Variants in FRMD4A observed in about 807,000 individuals in gnomAD.
FRMD4A encodes FERM domain containing 4A.
FRMD4A carries 29 observed loss-of-function variants against 129.1 expected under a neutral mutation model. The ratio of observed to expected loss-of-function variants is 0.22; its 90% CI spans 0.17 to 0.31. The LOEUF is 0.31. Among genes scored for constraint, FRMD4A ranks in the 10% least tolerant of loss-of-function variants. FRMD4A has a pLI of 1.00. For missense variants in FRMD4A, 1,272 were observed against 1,375.8 expected, an observed-to-expected ratio of 0.92 and a Z score of 1.19; for synonymous variants, 634 against 571.6, an observed-to-expected ratio of 1.11 and a Z score of -1.56.
chr10:14,178,001 G>C (rs746685138), intron 2 of FRMD4A, among the ~76,000 whole-genome samples: 5 of 152,296 alleles, frequency 3.3e-5, no homozygotes, highest in Non-Finnish European at 5.9e-5. Flanking sequence ...TGCTTACCTG[G>C]TGGCAGGCAC....
chr10:13,707,812 C>T, intron 12 of FRMD4A: 6 of 985,404 alleles, frequency 6.1e-6, no homozygotes, highest in Non-Finnish European at 7.2e-6. Context: ...GAGTCTCTCC[C>T]TCAAGCTTGG....
rs774081353 is a variant in FRMD4A at position 13,657,145 on chromosome 10, C to T, written c.2444G>A (p.Gly815Asp). 171 of 1,476,138 alleles carry T rather than the reference C, an allele frequency of 1.2e-4. 4 individuals carry two copies. In the East Asian group the frequency reaches 4.6e-3, roughly 39 times the overall value. 91.4% of individuals were successfully genotyped at this position (1,476,138 alleles called of 1,614,324 possible). A position where few individuals can be genotyped will look rare whatever the true frequency, so the allele number is the denominator to read the frequency against. ...AARGGAGGAG[G>D]AGGGVYLHSQ... ...GTGCAGGTACACACCGCCCCCCGCG[C>T]CCCCCGCGCCCCCCGCACCCCCGCG... The change falls in exon 22 of 25, where the codon GGC becomes GAC. Residue 815 changes from glycine to aspartate, a missense_variant. Physicochemically the swap from Gly to Asp is moderately conservative, Grantham distance 94 (BLOSUM62 -1). Coordinates refer to ENST00000357447, the MANE Select transcript of FRMD4A (RefSeq NM_018027.5).
intron 14 of FRMD4A, among the ~76,000 whole-genome samples, chr10:13,694,391 C>T (rs551356353): frequency 1.6e-3 from 245 of 152,266 alleles, no homozygotes; most frequent in Non-Finnish European, 2.2e-3. Flanking sequence ...CACTCACCAC[C>T]CAGGGGTTGG....
intron 6 of FRMD4A, among the ~76,000 whole-genome samples, chr10:13,776,561 T>C (rs2092601090): frequency 6.6e-6 from 1 of 152,264 alleles, no homozygotes; most frequent in Non-Finnish European, 1.5e-5. Flanking sequence ...GGGAGGAAGC[T>C]GTTTGTCATA....
chr10:13,956,895 G>C lies in FRMD4A; in HGVS notation c.46-97983C>G, dbSNP rs867963851. On this transcript the variant is annotated intron_variant, in intron 2 of 24. Coordinates refer to ENST00000357447, the MANE Select transcript of FRMD4A (RefSeq NM_018027.5). ...TCCTGGGAAGGGGGAAAGTGTAGAC[G>C]TTGAGCATTTTTGAAAACTGAGATT... Among the ~76,000 whole-genome samples the C allele has an allele frequency of 2.0e-5, 3 of 152,184 alleles. No individual in the cohort carries two copies. In the South Asian group the frequency reaches 6.2e-4, roughly 32 times the overall value.
rs977410086 is a variant in FRMD4A at position 14,316,987 on chromosome 10, C to T, written c.45+13071G>A. 4.6e-5 allele frequency among the ~76,000 whole-genome samples: 7 copies of T among 152,220 alleles called. No homozygotes were observed. In the South Asian group the frequency reaches 1.2e-3, roughly 27 times the overall value. On this transcript the variant is annotated intron_variant, in intron 2 of 24. Coordinates refer to ENST00000357447, the MANE Select transcript of FRMD4A (RefSeq NM_018027.5). ...AAGAATCCACACTCTCTCCCATTCTCGCTTTTCCTGGCATTAGTTCAAGTC... is the reference window on the plus strand; with the variant it reads ...AAGAATCCACACTCTCTCCCATTCTTGCTTTTCCTGGCATTAGTTCAAGTC...
At chr10:14,293,806 G>C (rs574947656) in intron 2 of FRMD4A, among the ~76,000 whole-genome samples, 1 of 152,306 alleles carries the variant, frequency 6.6e-6, no homozygotes, top group Non-Finnish European at 1.5e-5. Flanking sequence ...ACACAGTGTT[G>C]TCACACTCGT....
chr10:13,794,027 G>A (rs1397180462), intron 5 of FRMD4A, among the ~76,000 whole-genome samples: 1 of 152,150 alleles, frequency 6.6e-6, no homozygotes, highest in Non-Finnish European at 1.5e-5. Context: ...ACCCTTGGAG[G>A]CTGCTTCAAT....
At chr10:14,299,696 A>G (rs1377328246) in intron 2 of FRMD4A, among the ~76,000 whole-genome samples, 7 of 152,158 alleles carry the variant, frequency 4.6e-5, no homozygotes, top group Non-Finnish European at 8.8e-5. Flanking sequence ...CTGGGAACTC[A>G]ATGAGCCGCC....
At chr10:13,652,105 C>A in intron 23 of FRMD4A, 131 bp from the exon 24 acceptor site, 1 of 700,420 alleles carries the variant, frequency 1.4e-6, no homozygotes, top group South Asian at 1.6e-5. Context: ...CCTGAGTTAG[C>A]AACAGATCAT....
intron 2 of FRMD4A, among the ~76,000 whole-genome samples, chr10:13,935,704 G>A (rs11258728): frequency 1.3e-5 from 2 of 152,154 alleles, no homozygotes; most frequent in African/African-American, 2.4e-5. Flanking sequence ...CGATGTGCCA[G>A]GGCTGTGTTG....
At chr10:14,255,068 G>T (rs796668505) in intron 2 of FRMD4A, among the ~76,000 whole-genome samples, 17 of 152,278 alleles carry the variant, frequency 1.1e-4, no homozygotes, top group African/African-American at 3.6e-4. Context: ...TAGGAGAAAA[G>T]GTTAAGAATG....
chr10:14,027,178 C>G (rs1833022815), intron 2 of FRMD4A, among the ~76,000 whole-genome samples: 1 of 152,162 alleles, frequency 6.6e-6, no homozygotes, highest in South Asian at 2.1e-4. Context: ...AAGAGATATA[C>G]TACTTGTTTG....
intron 2 of FRMD4A, among the ~76,000 whole-genome samples, chr10:14,313,730 A>C (rs1265863080): frequency 6.6e-6 from 1 of 152,250 alleles, no homozygotes; most frequent in African/African-American, 2.4e-5. Flanking sequence ...AATGATGACT[A>C]TATTTTCAAT....
chr10:14,008,760 G>A (rs946069816), intron 2 of FRMD4A, among the ~76,000 whole-genome samples: 7 of 152,020 alleles, frequency 4.6e-5, no homozygotes, highest in African/African-American at 1.7e-4. Flanking sequence ...AACACATCAG[G>A]GACCTCTTTG....
At chr10:13,769,078 C>T (rs186611542) in intron 6 of FRMD4A, among the ~76,000 whole-genome samples, 3,742 of 149,728 alleles carry the variant, frequency 0.025, 80 homozygotes, top group African/African-American at 0.052. Flanking sequence ...GCAAGCTCTG[C>T]CTCCTGGGTT....
Position 13,762,693 on chromosome 10 carries a change from A to C in FRMD4A, c.385-13T>G. 2 of 1,583,740 alleles carry C rather than the reference A, an allele frequency of 1.3e-6. No individual in the cohort carries two copies. The highest frequency in any genetic ancestry group is 1.7e-6 in the Non-Finnish European group (2 of 1,153,300). On this transcript the variant is annotated splice_polypyrimidine_tract_variant and intron_variant, in intron 6 of 24. Coordinates refer to ENST00000357447, the MANE Select transcript of FRMD4A (RefSeq NM_018027.5). ...CGTCAATAAGCTCCTGAAAGGAAAA[A>C]GCAACAAACGAAGACAAGTTTGGTA... is the stretch of plus-strand genomic sequence containing the variant.
At chr10:14,113,515 G>T (rs934236136) in intron 2 of FRMD4A, among the ~76,000 whole-genome samples, 1 of 152,136 alleles carries the variant, frequency 6.6e-6, no homozygotes, top group African/African-American at 2.4e-5. Flanking sequence ...TATTGATAAG[G>T]CTTCTGGTGA....
chr10:13,674,842 T>C (rs2083838199), intron 16 of FRMD4A, 69 bp downstream of exon 16: 6 of 1,493,466 alleles, frequency 4.0e-6, no homozygotes, highest in Middle Eastern at 3.4e-4. Context: ...AAAGATCAAA[T>C]GACATCAGAA....
Sources: allele counts gnomAD v4.1 joint callset (sites outside exome capture counted in the v4.1 genomes callset), GRCh38; gene constraint gnomAD v4.1.1; transcripts MANE v1.5; gene names NCBI Gene and HGNC (gene_info 2026-07-23, HGNC 2026-07-21).